The following RNF13 variants were observed in gnomAD, a reference collection of about 807,000 sequenced individuals.
RNF13 encodes ring finger protein 13.
Under a neutral mutation model 37.7 loss-of-function variants are expected in RNF13, and 19 were observed. That is an observed-to-expected ratio of 0.50 (90% CI 0.35 to 0.74). RNF13 has a LOEUF of 0.74. Ranked by LOEUF, RNF13 falls within the 30% of genes least tolerant of loss-of-function variation. The probability of loss-of-function intolerance (pLI) is 0.01; values close to 1 mark genes in which losing one functional copy is unlikely to be tolerated. For missense variants in RNF13, 375 were observed against 453.0 expected (o/e 0.83, Z 1.56); for synonymous variants, 144 against 157.8 (o/e 0.91, Z 0.65).
intron 8 of RNF13, among the ~76,000 whole-genome samples, chr3:149,929,972 C>T (rs1396266451): frequency 1.3e-5 from 2 of 152,200 alleles, no homozygotes; most frequent in African/African-American, 4.8e-5. Flanking sequence ...GTTGCCCAGG[C>T]TGGAGTGCAG....
intron 6 of RNF13, among the ~76,000 whole-genome samples, chr3:149,906,946 G>A (rs945100758): frequency 1.3e-5 from 2 of 151,928 alleles, no homozygotes; most frequent in South Asian, 4.1e-4. Context: ...AGTGAGCAGC[G>A]AATTCTGTTT....
intron 6 of RNF13, among the ~76,000 whole-genome samples, chr3:149,906,310 T>G (rs900617428): frequency 6.6e-6 from 1 of 152,064 alleles, no homozygotes; most frequent in Non-Finnish European, 1.5e-5. Context: ...TGTGTACAAA[T>G]TTTTACATGT....
chr3:149,914,463 T>G (rs1412357796), intron 7 of RNF13, among the ~76,000 whole-genome samples: 4 of 152,172 alleles, frequency 2.6e-5, no homozygotes, highest in Admixed American at 1.3e-4. Context: ...CCTTGGGGTT[T>G]CAGCATAGAA....
chr3:149,833,851 A>G (rs934485778), intron 1 of RNF13, among the ~76,000 whole-genome samples: 3 of 152,248 alleles, frequency 2.0e-5, no homozygotes, highest in Admixed American at 2.0e-4. Flanking sequence ...ATGACCTTAC[A>G]TGTAGGCAAT....
chr3:149,905,844 C>G (rs968424276), intron 6 of RNF13, among the ~76,000 whole-genome samples: 1 of 151,842 alleles, frequency 6.6e-6, no homozygotes, highest in Non-Finnish European at 1.5e-5. Context: ...TCTCACATAC[C>G]ATAAGGTTTA....
chr3:149,852,569 T>A lies in RNF13; in HGVS notation c.168T>A (p.Gly56=), dbSNP rs1184199948. Residue 56 remains glycine (G), a synonymous_variant, in exon 3 of 10, where the codon GGT becomes GGA. Coordinates refer to ENST00000392894, the MANE Select transcript of RNF13 (RefSeq NM_183381.3). ...TTGATGACCTCCCTGCAAGATTTGG[T>A]TATAGACTTCCAGCTGAAGGTTTAA... The part of the protein sequence containing the change: ...QTFDDLPARF[G]YRLPAEGLKG... The A allele has an allele frequency of 2.2e-5, 35 of 1,565,042 alleles. No homozygotes were observed. In the Admixed American group the frequency reaches 6.2e-4, roughly 28 times the overall value.
intron 3 of RNF13, among the ~76,000 whole-genome samples, chr3:149,867,293 T>C (rs1323125207): frequency 1.3e-5 from 2 of 151,612 alleles, no homozygotes; most frequent in African/African-American, 4.9e-5. Flanking sequence ...TGAGACAGAG[T>C]CTTGCTCTGT....
chr3:149,895,034 G>T (rs1306451430), intron 4 of RNF13, among the ~76,000 whole-genome samples: 3 of 152,146 alleles, frequency 2.0e-5, no homozygotes, highest in African/African-American at 7.2e-5. Flanking sequence ...TTTTTAAAAA[G>T]CTTTGTAAAG....
chr3:149,859,861 T>TA (rs200539297), intron 3 of RNF13, among the ~76,000 whole-genome samples: 4,026 of 152,130 alleles, frequency 0.026, 67 homozygotes, highest in South Asian at 0.036. Context: ...TTCACAGAAA[T>TA]AGAAAAAACT....
intron 9 of RNF13, 53 bp from the exon 10 acceptor site, chr3:149,960,687 T>C: frequency 1.3e-6 from 2 of 1,513,480 alleles, no homozygotes; most frequent in South Asian, 1.3e-5. Context: ...AGATTAAATA[T>C]AAAAGTATCA....
chr3:149,835,535 T>C (rs1721510862), intron 1 of RNF13, among the ~76,000 whole-genome samples: 1 of 152,144 alleles, frequency 6.6e-6, no homozygotes, highest in Non-Finnish European at 1.5e-5. Context: ...TGGTTTTCCA[T>C]TCCTGAGTTA....
intron 4 of RNF13, among the ~76,000 whole-genome samples, chr3:149,879,886 T>C (rs945597478): frequency 1.3e-5 from 2 of 152,228 alleles, no homozygotes; most frequent in African/African-American, 4.8e-5. Flanking sequence ...TGCTACATTA[T>C]ACTGTTTTCA....
chr3:149,904,702 T>C (rs1402390375), intron 6 of RNF13, among the ~76,000 whole-genome samples: 1 of 152,178 alleles, frequency 6.6e-6, no homozygotes, highest in Non-Finnish European at 1.5e-5. Flanking sequence ...CAATGTATAT[T>C]CAGAGAAGTT....
chr3:149,929,519 A>G (rs1420341048), intron 8 of RNF13, among the ~76,000 whole-genome samples: 1 of 152,154 alleles, frequency 6.6e-6, no homozygotes, highest in Non-Finnish European at 1.5e-5. Context: ...TTTCTTTCCA[A>G]CATGGATTTA....
intron 7 of RNF13, among the ~76,000 whole-genome samples, chr3:149,920,481 C>T (rs1718005125): frequency 6.6e-6 from 1 of 152,104 alleles, no homozygotes; most frequent in African/African-American, 2.4e-5. Context: ...AGTCCTCCCA[C>T]TTCAGTTGTC....
intron 4 of RNF13, among the ~76,000 whole-genome samples, chr3:149,889,452 G>A (rs1395320721): frequency 6.7e-6 from 1 of 149,308 alleles, no homozygotes; most frequent in Non-Finnish European, 1.5e-5. Flanking sequence ...CTACAGGCGT[G>A]TGCCACCATG....
At chr3:149,914,479 A>G (rs911224453) in intron 7 of RNF13, among the ~76,000 whole-genome samples, 1 of 152,182 alleles carries the variant, frequency 6.6e-6, no homozygotes, top group Non-Finnish European at 1.5e-5. Context: ...TAGAAGCAAG[A>G]AAGTAGAGAG....
intron 2 of RNF13, among the ~76,000 whole-genome samples, chr3:149,850,865 G>T (rs1241248599): frequency 6.6e-6 from 1 of 152,046 alleles, no homozygotes; most frequent in Non-Finnish European, 1.5e-5. Context: ...TGTGATAATG[G>T]GTTTAAAAGC....
chr3:149,878,154 T>C (rs1356491512), intron 4 of RNF13, among the ~76,000 whole-genome samples: 2 of 152,182 alleles, frequency 1.3e-5, no homozygotes, highest in African/African-American at 2.4e-5. Flanking sequence ...AATTTTTACA[T>C]AGGTATCCTT....
Sources: allele counts gnomAD v4.1 joint callset (sites outside exome capture counted in the v4.1 genomes callset), GRCh38; gene constraint gnomAD v4.1.1; transcripts MANE v1.5; gene names NCBI Gene and HGNC (gene_info 2026-07-23, HGNC 2026-07-21).